Variants in CYYR1 observed in about 807,000 individuals in gnomAD.
CYYR1 encodes cysteine and tyrosine rich 1, also known as cysteine and tyrosine-rich protein 1.
A neutral mutation model predicts 15.2 loss-of-function variants in CYYR1; 14 were observed. That is an observed-to-expected ratio of 0.92 (90% CI 0.61 to 1.44). The LOEUF (loss-of-function observed/expected upper bound fraction) is 1.44. Ranked by LOEUF, CYYR1 falls within the 40% of genes most tolerant of loss-of-function variation. CYYR1 has a pLI of 0.00. For synonymous variants in CYYR1, 80 were observed against 77.4 expected (o/e 1.03, Z -0.18); for missense variants, 228 against 209.5 (o/e 1.09, Z -0.54).
intron 2 of CYYR1, among the ~76,000 whole-genome samples, chr21:26,516,726 T>C (rs1348224347): frequency 6.6e-6 from 1 of 152,226 alleles, no homozygotes; most frequent in Non-Finnish European, 1.5e-5. Flanking sequence ...TGCTTCAAAA[T>C]CCTTTGCTTA....
At chr21:26,491,393 C>T (rs1019039530) in intron 2 of CYYR1, among the ~76,000 whole-genome samples, 3 of 152,112 alleles carry the variant, frequency 2.0e-5, no homozygotes, top group African/African-American at 7.2e-5. Flanking sequence ...ATAGTGACTA[C>T]AAGGATTTCT....
intron 2 of CYYR1, among the ~76,000 whole-genome samples, chr21:26,503,038 G>C (rs1376526839): frequency 6.6e-6 from 1 of 152,172 alleles, no homozygotes; most frequent in African/African-American, 2.4e-5. Context: ...AATGCAAGTA[G>C]ATGGAACTCA....
chr21:26,488,758 G>A (rs761553430), intron 2 of CYYR1, among the ~76,000 whole-genome samples: 2 of 152,066 alleles, frequency 1.3e-5, no homozygotes, highest in Non-Finnish European at 2.9e-5. Flanking sequence ...TAATGGCTGA[G>A]CTCTAGTCTC....
intron 2 of CYYR1, among the ~76,000 whole-genome samples, chr21:26,544,125 C>T (rs991297063): frequency 1.3e-5 from 2 of 152,094 alleles, no homozygotes; most frequent in Middle Eastern, 6.8e-3. Flanking sequence ...ATTTTAATGG[C>T]GATATTTTAC....
chr21:26,495,084 G>T (rs2065377775), intron 2 of CYYR1, among the ~76,000 whole-genome samples: 1 of 152,208 alleles, frequency 6.6e-6, no homozygotes, highest in African/African-American at 2.4e-5. Flanking sequence ...AAGTTAGTCA[G>T]TATAAGCTGT....
At chr21:26,507,503 A>G (rs1189222438) in intron 2 of CYYR1, among the ~76,000 whole-genome samples, 2 of 152,200 alleles carry the variant, frequency 1.3e-5, no homozygotes, top group East Asian at 1.9e-4. Context: ...TAGAAGAACC[A>G]ACAAACCAGG....
rs781485569 is a variant in CYYR1 at position 26,468,467 on chromosome 21, G to A, written c.*34C>T. On this transcript the variant is annotated 3_prime_UTR_variant, in exon 4 of 4. Coordinates refer to ENST00000652641, the MANE Select transcript of CYYR1 (RefSeq NM_001320768.2). ...GAGGCATTTTATTCCAGGCAAGATC[G>A]CCCATTGGCACATGTTCTGTTCTGG... 25 of 1,306,482 alleles carry A rather than the reference G, an allele frequency of 1.9e-5. No homozygotes were observed. Among genetic ancestry groups the A allele is most frequent in the East Asian group, 1.8e-4 (8 of 43,398 alleles). The allele number at this position is 1,306,482 out of a possible 1,614,324, so 80.9% of individuals were successfully genotyped here. A position where few individuals can be genotyped will look rare whatever the true frequency, so the allele number is the denominator to read the frequency against.
chr21:26,484,747 T>C (rs1332738161), intron 2 of CYYR1, among the ~76,000 whole-genome samples: 1 of 152,114 alleles, frequency 6.6e-6, no homozygotes, highest in Non-Finnish European at 1.5e-5. Flanking sequence ...AATTGGGACA[T>C]ATTTATATTC....
intron 2 of CYYR1, among the ~76,000 whole-genome samples, chr21:26,564,211 A>G: frequency 6.6e-6 from 1 of 152,262 alleles, no homozygotes; most frequent in African/African-American, 2.4e-5. Context: ...GGTGGAGTTA[A>G]GAATTCTTTT....
In CYYR1 at chr21:26,468,376, C is replaced by T. The variant is rs981874387; in HGVS notation, c.*125G>A. 4.0e-6 allele frequency: 3 copies of T among 754,334 alleles called. No homozygotes were observed. The African/African-American group carries it at 5.1e-5, about 13-fold the overall frequency. The allele number at this position is 754,334 out of a possible 1,614,324, so 46.7% of individuals were successfully genotyped here. On this transcript the variant is annotated 3_prime_UTR_variant, in exon 4 of 4. Coordinates refer to ENST00000652641, the MANE Select transcript of CYYR1 (RefSeq NM_001320768.2). ...TATATCTCCTAGCAGGGATATTCCA[C>T]CTGACACATTATCTGACCCCAAAAA...
rs116184662 is a variant in CYYR1 at position 26,485,255 on chromosome 21, C to T, written c.177-4826G>A. Among the ~76,000 whole-genome samples, 792 of 152,074 alleles carry T rather than the reference C, an allele frequency of 5.2e-3. 7 individuals are homozygous for T. The highest frequency in any genetic ancestry group is 0.017 in the African/African-American group (711 of 41,498). On this transcript the variant is annotated intron_variant, in intron 2 of 3. Coordinates refer to ENST00000652641, the MANE Select transcript of CYYR1 (RefSeq NM_001320768.2). ...GTAAAAAGAGTACAGAGAGAGCTCA[C>T]GTACCCTTCACCCAGTTTCCCCAGA...
chr21:26,538,744 T>TG (rs1978347497), intron 2 of CYYR1, among the ~76,000 whole-genome samples: 1 of 152,160 alleles, frequency 6.6e-6, no homozygotes, highest in Admixed American at 6.6e-5. Flanking sequence ...TATTTTTAAT[T>TG]GGGGAAATAT....
At chr21:26,569,160 A>G (rs1980848282) in intron 1 of CYYR1, 1 of 152,230 alleles carries the variant, frequency 6.6e-6, no homozygotes. Context: ...ACTATTCAAA[A>G]TAGTAAAGAG....
chr21:26,572,928 T>C lies in CYYR1; in HGVS notation c.13A>G (p.Arg5Gly). 1 of 1,613,872 alleles carries C rather than the reference T, an allele frequency of 6.2e-7. No individual in the cohort carries two copies. The highest frequency in any genetic ancestry group is 8.5e-7 in the Non-Finnish European group (1 of 1,179,972). MDAP[R>G]LPVRPGVLLP... ...AAGACCCCTGGACGCACGGGTAGCC[T>C]CGGAGCGTCCATCCAAGCCGGTGGC... Residue 5 changes from arginine to glycine, a missense_variant, in exon 1 of 4, where the codon AGG (arginine) becomes GGG (glycine). Physicochemically the swap from Arg to Gly is moderately radical, Grantham distance 125. Coordinates refer to ENST00000652641, the MANE Select transcript of CYYR1 (RefSeq NM_001320768.2).
Position 26,547,938 on chromosome 21 carries a change from C to G in CYYR1, c.176+18328G>C, listed in dbSNP as rs538592107. On this transcript the variant is annotated intron_variant, in intron 2 of 3. Transcript: ENST00000652641. Reference sequence around the variant, plus strand: ...AATAGAAAGTAGCTAAACGGAGTACCAGCTGATGTTCTAAGTGGTTCATAA... The same window carrying G: ...AATAGAAAGTAGCTAAACGGAGTACGAGCTGATGTTCTAAGTGGTTCATAA... 1.7e-4 allele frequency among the ~76,000 whole-genome samples: 17 copies of G among 97,672 alleles called. No individual in the cohort carries two copies. In the South Asian group the frequency reaches 4.8e-3, roughly 28 times the overall value. 64.1% of individuals were successfully genotyped at this position (97,672 alleles called of 152,430 possible).
rs1389007922 is a variant in CYYR1 at position 26,572,994 on chromosome 21, A to G, written c.-54T>C. ...AAGGGAGAGCCCGGAACCGGAGGGA[A>G]TGGGGAGGATGGAGGGCGATCAGAT... On this transcript the variant is annotated 5_prime_UTR_variant, in exon 1 of 4. Transcript: ENST00000652641. 1 of 1,600,762 alleles carries G rather than the reference A, an allele frequency of 6.2e-7. No individual in the cohort carries two copies. The highest frequency in any genetic ancestry group is 1.3e-5 in the African/African-American group (1 of 74,108).
intron 3 of CYYR1, chr21:26,477,851 TA>T: frequency 8.1e-7 from 1 of 1,228,406 alleles, no homozygotes; most frequent in Non-Finnish European, 1.0e-6. Flanking sequence ...TAATTCCATC[TA>T]TTTTTTTCCT....
chr21:26,477,006 G>C (rs994557454), intron 3 of CYYR1, among the ~76,000 whole-genome samples: 6 of 152,080 alleles, frequency 3.9e-5, no homozygotes, highest in African/African-American at 1.4e-4. Flanking sequence ...CTTTTGGAAG[G>C]TCACTGTCCA....
intron 1 of CYYR1, among the ~76,000 whole-genome samples, chr21:26,570,988 A>G (rs1044003357): frequency 1.3e-5 from 2 of 152,196 alleles, no homozygotes; most frequent in African/African-American, 4.8e-5. Flanking sequence ...TTTGCTGAAC[A>G]AAATAGACAT....
Sources: gnomAD v4.1 joint callset for allele counts (sites outside exome capture counted in the v4.1 genomes callset) on GRCh38, gnomAD v4.1.1 for gene constraint, MANE v1.5 for transcripts, NCBI Gene and HGNC (gene_info 2026-07-23, HGNC 2026-07-21) for gene names.